Variants in MYOM2 observed in about 807,000 individuals in gnomAD.
The protein encoded by MYOM2 is myomesin-2.
A neutral mutation model predicts 187.6 loss-of-function variants in MYOM2; 254 were observed. The ratio of observed to expected loss-of-function variants is 1.35; its 90% CI spans 1.22 to 1.50. The LOEUF is 1.50. Ranked by LOEUF, MYOM2 falls within the 40% of genes most tolerant of loss-of-function variation. The pLI, the probability that MYOM2 is intolerant of heterozygous loss-of-function variation, is 0.00. For missense variants in MYOM2, 2,796 were observed against 1,924.0 expected (o/e 1.45, Z -8.48); for synonymous variants, 981 against 753.8 (o/e 1.30, Z -4.94).
rs1717723020 is a variant in MYOM2, at chr8:2,145,143, T to C, written c.*162T>C. The C allele has an allele frequency of 1.1e-5, 8 of 731,800 alleles. No individual in the cohort carries two copies. The South Asian group carries it at 1.5e-4, about 14-fold the overall frequency. The allele number at this position is 731,800 out of a possible 1,614,324, so 45.3% of individuals were successfully genotyped here. On this transcript the variant is annotated 3_prime_UTR_variant, in exon 37 of 37. Coordinates refer to ENST00000262113, the MANE Select transcript of MYOM2 (RefSeq NM_003970.4). ...TTTTTGCATTTGGTGATGAATATTT[T>C]ATACCCGTCTAAGGGAGAAAGCTAA...
At chr8:2,106,804 T>G (rs1013072952) in intron 23 of MYOM2, among the ~76,000 whole-genome samples, 2 of 152,188 alleles carry the variant, frequency 1.3e-5, no homozygotes, top group Non-Finnish European at 2.9e-5. Flanking sequence ...TAGTCTCTGG[T>G]CCTGATATAT....
intron 8 of MYOM2, among the ~76,000 whole-genome samples, chr8:2,071,094 A>T (rs931870628): frequency 7.2e-5 from 11 of 151,900 alleles, no homozygotes; most frequent in Admixed American, 3.9e-4. Flanking sequence ...CAACCTCCCA[A>T]ATAGCTGGGA....
At chr8:2,131,996 A>G (rs1456540740) in intron 32 of MYOM2, among the ~76,000 whole-genome samples, 1 of 152,212 alleles carries the variant, frequency 6.6e-6, no homozygotes, top group African/African-American at 2.4e-5. Context: ...TTAACTTCTT[A>G]CTATTTGACT....
At position 2,106,145 on chromosome 8, in the gene MYOM2, G is replaced by T; in HGVS notation, c.2735-97G>T. 4 of 1,223,128 alleles carry T rather than the reference G, an allele frequency of 3.3e-6. No individual in the cohort carries two copies. The East Asian group carries it at 7.0e-5, about 21-fold the overall frequency. 75.8% of individuals were successfully genotyped at this position (1,223,128 alleles called of 1,614,324 possible). On this transcript the variant is annotated intron_variant, in intron 21 of 36. Transcript: ENST00000262113. ...GATTACAATTTGAGATGAGATTTGG[G>T]TGTGGACGCGGAGCCAAACCATATC...
At chr8:2,063,124 G>A (rs79128111) in intron 6 of MYOM2, among the ~76,000 whole-genome samples, 3 of 152,154 alleles carry the variant, frequency 2.0e-5, no homozygotes, top group African/African-American at 7.2e-5. Context: ...GTTGGTCCTA[G>A]GAAGCTCCAA....
At position 2,071,196 on chromosome 8, in the gene MYOM2, T is replaced by C. The variant is rs535759569; in HGVS notation, c.794-1149T>C. ...ATTTTGTAGAGATGCGGTTTCACCA[T>C]GTTGCCCAGGTTGTTCTCGAACTCC... On this transcript the variant is annotated intron_variant, in intron 8 of 36. Transcript: ENST00000262113. Among the ~76,000 whole-genome samples, 10 of 152,120 alleles carry C rather than the reference T, an allele frequency of 6.6e-5. No homozygotes were observed. In the South Asian group the frequency reaches 1.7e-3, roughly 25 times the overall value.
intron 32 of MYOM2, among the ~76,000 whole-genome samples, chr8:2,138,638 C>T (rs1798165293): frequency 6.6e-6 from 1 of 152,186 alleles, no homozygotes; most frequent in African/African-American, 2.4e-5. Flanking sequence ...CCTTCTAAGG[C>T]GGCACGAACT....
Position 2,050,840 on chromosome 8 carries a change from C to T in MYOM2, c.74C>T (p.Thr25Ile), listed in dbSNP as rs746922687. Residue 25 changes from threonine (T) to isoleucine (I), a missense_variant, in exon 2 of 37, where the codon ACA (threonine) becomes ATA (isoleucine). By Grantham distance (89) the Thr-to-Ile change is moderately conservative (BLOSUM62 -1). Transcript: ENST00000262113. Reference sequence around the variant, plus strand: ...GACCAGTCCTACCGTAATATTCAAACACGGTACCTGCTGGACGAATATGCG... The same window carrying T: ...GACCAGTCCTACCGTAATATTCAAATACGGTACCTGCTGGACGAATATGCG... ...HFDQSYRNIQ[T>I]RYLLDEYASK... is the part of the protein sequence containing the mutation. The T allele has an allele frequency of 6.2e-7, 1 of 1,612,720 alleles. No individual in the cohort carries two copies.
At chr8:2,091,772 T>G (rs1191047748) in intron 15 of MYOM2, among the ~76,000 whole-genome samples, 1 of 152,134 alleles carries the variant, frequency 6.6e-6, no homozygotes, top group Non-Finnish European at 1.5e-5. Context: ...ATATGAAAAA[T>G]GACAGTGTCC....
intron 17 of MYOM2, among the ~76,000 whole-genome samples, chr8:2,094,800 G>T (rs1796424402): frequency 6.6e-6 from 1 of 152,218 alleles, no homozygotes; most frequent in Non-Finnish European, 1.5e-5. Context: ...TTGAGACTTT[G>T]TTGGTAAATA....
chr8:2,081,788 G>T (rs191411164), intron 13 of MYOM2: 2 of 152,296 alleles, frequency 1.3e-5, no homozygotes, highest in African/African-American at 4.8e-5. Flanking sequence ...AAGAAAGAGC[G>T]CGTGTCCTGA....
intron 3 of MYOM2, among the ~76,000 whole-genome samples, chr8:2,054,016 G>A (rs1032699995): frequency 6.6e-6 from 1 of 152,188 alleles, no homozygotes; most frequent in Non-Finnish European, 1.5e-5. Flanking sequence ...ATGCAGAAGG[G>A]CCCAGGAGGG....
intron 5 of MYOM2, among the ~76,000 whole-genome samples, chr8:2,058,451 A>C (rs1458720948): frequency 6.6e-6 from 1 of 152,256 alleles, no homozygotes; most frequent in Non-Finnish European, 1.5e-5. Flanking sequence ...TCATAAGTGG[A>C]AAGCATAAAC....
intron 35 of MYOM2, 116 bp from the exon 36 acceptor site, chr8:2,143,285 C>T: frequency 8.5e-7 from 1 of 1,175,208 alleles, no homozygotes. Context: ...CTCGCTCTCT[C>T]CTGAGCATAA....
At chr8:2,138,122 C>G (rs1351520742) in intron 32 of MYOM2, among the ~76,000 whole-genome samples, 2 of 152,242 alleles carry the variant, frequency 1.3e-5, no homozygotes, top group Non-Finnish European at 2.9e-5. Context: ...CTGCTGTGAG[C>G]TCACAGGACG....
At chr8:2,120,689 A>ATATATATATATATATATATATATAATAT in intron 28 of MYOM2, among the ~76,000 whole-genome samples, 1 of 42,414 alleles carries the variant, frequency 2.4e-5, no homozygotes, top group African/African-American at 7.5e-5. Context: ...ATTATATATA[A>ATATATATATATATATATATATATAATAT]ATATATAATA....
intron 21 of MYOM2, among the ~76,000 whole-genome samples, chr8:2,105,974 G>A (rs777983173): frequency 3.9e-5 from 6 of 152,160 alleles, no homozygotes; most frequent in Non-Finnish European, 7.3e-5. Context: ...TTCTTCACAG[G>A]GCGGCAGGAC....
At chr8:2,084,359 C>T (rs186173693) in intron 13 of MYOM2, among the ~76,000 whole-genome samples, 595 of 152,332 alleles carry the variant, frequency 3.9e-3, no homozygotes, top group Non-Finnish European at 6.0e-3. Context: ...TTGCTTTGTA[C>T]TATTTCCATG....
intron 11 of MYOM2, among the ~76,000 whole-genome samples, chr8:2,078,266 G>A (rs1819502112): frequency 1.3e-5 from 2 of 152,208 alleles, no homozygotes; most frequent in Non-Finnish European, 2.9e-5. Context: ...CCAGGGACCT[G>A]GGCCCTTGGT....
Sources: gnomAD v4.1 joint callset for allele counts (sites outside exome capture counted in the v4.1 genomes callset) on GRCh38, gnomAD v4.1.1 for gene constraint, MANE v1.5 for transcripts, NCBI Gene and HGNC (gene_info 2026-07-23, HGNC 2026-07-21) for gene names.